Variants in BEST4 observed in about 807,000 individuals in gnomAD.
BEST4 encodes bestrophin-4.
BEST4 carries 36 observed loss-of-function variants against 47.1 expected under a neutral mutation model. That is an observed-to-expected ratio of 0.76 (90% confidence interval 0.59 to 1.01). BEST4 has a LOEUF of 1.01. Among genes scored for constraint, BEST4 ranks in the 50% least tolerant of loss-of-function variants. The pLI is 0.00. For missense variants in BEST4, 550 were observed against 648.6 expected (o/e 0.85, Z 1.65); for synonymous variants, 250 against 277.8 (o/e 0.90, Z 1.00).
Position 44,787,687 on chromosome 1 carries a change from G to T in BEST4, c.19C>A (p.Leu7Ile), listed in dbSNP as rs1314873599. The change falls in exon 1 of 9, where the codon CTC becomes ATC. Residue 7 changes from leucine to isoleucine, a missense_variant. This residue lies in a region of BEST4 where 291 missense variants were observed against 342.4 expected (regional missense o/e 0.85). Transcript: ENST00000372207. MTVSYT[L>I]KVAEARFGGF... ...CCGAAGCGGGCCTCCGCCACTTTGAGAGTGTATGAAACCGTCATGGTGCTG... is the reference window on the plus strand; with the variant it reads ...CCGAAGCGGGCCTCCGCCACTTTGATAGTGTATGAAACCGTCATGGTGCTG... 6.2e-7 allele frequency: 1 copy of T among 1,614,126 alleles called. No individual in the cohort carries two copies. The highest frequency in any genetic ancestry group is 1.1e-5 in the South Asian group (1 of 91,084).
At chr1:44,782,957 C>CTT (rs529146408), downstream of BEST4, among the ~76,000 whole-genome samples, 29 of 146,058 alleles carry the variant, frequency 2.0e-4, no homozygotes, top group East Asian at 6.0e-4. Flanking sequence ...TTCCAGAAGA[C>CTT]TTTTTTTTTT....
intron 5 of BEST4, 38 bp from the exon 6 acceptor site, chr1:44,785,343 C>A (rs763965020): frequency 4.6e-6 from 7 of 1,528,324 alleles, no homozygotes; most frequent in Non-Finnish European, 5.3e-6. Flanking sequence ...CAGGATGCAG[C>A]GGGCCAAGGA....
At chr1:44,782,073 A>G (rs1651056059), downstream of BEST4, among the ~76,000 whole-genome samples, 1 of 152,146 alleles carries the variant, frequency 6.6e-6, no homozygotes, top group Admixed American at 6.5e-5. Context: ...CTGAGGCATG[A>G]GAATCTCTTG....
chr1:44,784,408 C>T lies in BEST4; in HGVS notation c.1224G>A (p.Gln408=). Residue 408 remains glutamine (Q), a synonymous_variant, in exon 9 of 9, where the codon CAG becomes CAA. Transcript: ENST00000372207. This position sits in a 1 kb window ranked among gnomAD's most constrained non-coding sequence, Gnocchi z 6.2. ...CCAGGAAGCGGCCGAGCAACGGGGTCTGCGCGGCGGGCGCGGGCCGACCAG... is the reference window on the plus strand; with the variant it reads ...CCAGGAAGCGGCCGAGCAACGGGGTTTGCGCGGCGGGCGCGGGCCGACCAG... ...PGSGRPAPAA[Q]TPLLGRFLGV... 2 of 1,392,604 alleles carry T rather than the reference C, an allele frequency of 1.4e-6. No individual in the cohort carries two copies. Among genetic ancestry groups the T allele is most frequent in the Non-Finnish European group, 1.8e-6 (2 of 1,082,262 alleles). The allele number at this position is 1,392,604 out of a possible 1,614,324, so 86.3% of individuals were successfully genotyped here.
upstream of BEST4, among the ~76,000 whole-genome samples, chr1:44,789,395 CAAAAA>C (rs35605473): frequency 1.3e-5 from 1 of 77,096 alleles, no homozygotes; most frequent in African/African-American, 5.1e-5. Context: ...GACTCTGTCT[CAAAAA>C]AAAAAAAAAA....
At position 44,786,238 on chromosome 1, in the gene BEST4, T is replaced by A. The variant is rs768825952; in HGVS notation, c.482-10A>T. Reference sequence around the variant, plus strand: ...TCCTGGGACATGAAACCTGAGGGGGTAAAGCAGGTGGGGTGCAGTTGCACC... The same window carrying A: ...TCCTGGGACATGAAACCTGAGGGGGAAAAGCAGGTGGGGTGCAGTTGCACC... On this transcript the variant is annotated splice_polypyrimidine_tract_variant and intron_variant, in intron 3 of 8. Transcript: ENST00000372207. This position sits in a 1 kb window ranked among gnomAD's most constrained non-coding sequence, Gnocchi z 4.9. The A allele has an allele frequency of 6.2e-7, 1 of 1,608,674 alleles. No individual in the cohort carries two copies. The highest frequency in any genetic ancestry group is 8.5e-7 in the Non-Finnish European group (1 of 1,177,304).
At chr1:44,783,197 T>C (rs12094028), downstream of BEST4, among the ~76,000 whole-genome samples, 68,340 of 152,054 alleles carry the variant, frequency 0.45, 16,104 homozygotes, top group African/African-American at 0.59. Context: ...TCTGGGGATC[T>C]GCCCACCTTG....
chr1:44,786,596 G>A lies in BEST4; in HGVS notation c.348C>T (p.Gly116=), dbSNP rs1397470152. ...LMCVISASVH[G]VDQRGRLLRR... The stretch of plus-strand genomic sequence containing the variant: ...GCAGCAGGCGGCCCCGCTGGTCCAC[G>A]CCGTGCACGCTAGCCGAGATGACGC... The change falls in exon 3 of 9, where the codon GGC becomes GGT. Residue 116 remains glycine, a synonymous_variant. Transcript: ENST00000372207. The surrounding 1 kb of genome is among the most constrained non-coding windows in gnomAD (Gnocchi z 4.9). 5.8e-6 allele frequency: 9 copies of A among 1,550,792 alleles called. No individual in the cohort carries two copies. The highest frequency in any genetic ancestry group is 7.0e-6 in the Non-Finnish European group (8 of 1,147,016).
At chr1:44,788,188 C>T (rs915251375), upstream of BEST4, among the ~76,000 whole-genome samples, 1 of 152,222 alleles carries the variant, frequency 6.6e-6, no homozygotes, top group African/African-American at 2.4e-5. Flanking sequence ...ACTTCAACCC[C>T]CACAGACTTA....
Position 44,787,720 on chromosome 1 carries a change from G to A in BEST4, c.-15C>T. The A allele has an allele frequency of 6.2e-7, 1 of 1,613,634 alleles. No homozygotes were observed. The highest frequency in any genetic ancestry group is 1.3e-5 in the African/African-American group (1 of 75,036). ...GAAACCGTCATGGTGCTGGGAGCCT[G>A]GGGCAGGAGGTCACAAGAGTTGCCC... On this transcript the variant is annotated 5_prime_UTR_variant, in exon 1 of 9. Transcript: ENST00000372207.
intron 5 of BEST4, 138 bp downstream of exon 5, chr1:44,785,461 G>T: frequency 1.7e-6 from 2 of 1,196,534 alleles, no homozygotes; most frequent in Non-Finnish European, 2.3e-6. Flanking sequence ...GTTGGGGGTG[G>T]TGGGGGGCTT....
upstream of BEST4, among the ~76,000 whole-genome samples, chr1:44,792,133 TCCG>T (rs1189079489): frequency 2.6e-5 from 4 of 152,068 alleles, no homozygotes; most frequent in Admixed American, 6.6e-5. Flanking sequence ...TCCCAGCTAC[TCCG>T]GAGGCTGAGA....
In BEST4 at chr1:44,787,676, C is replaced by T. The variant is rs200497751; in HGVS notation, c.30G>A (p.Ala10=). MTVSYTLKV[A]EARFGGFSGL... is the part of the protein sequence containing the mutation. ...CAGAGAAACCTCCGAAGCGGGCCTC[C>T]GCCACTTTGAGAGTGTATGAAACCG... Residue 10 remains alanine (A), a synonymous_variant, in exon 1 of 9, where the codon GCG becomes GCA. Transcript: ENST00000372207. 1.2e-5 allele frequency: 20 copies of T among 1,614,044 alleles called. No individual in the cohort carries two copies. The highest frequency in any genetic ancestry group is 5.3e-5 in the African/African-American group (4 of 74,918).
intron 2 of BEST4, among the ~76,000 whole-genome samples, chr1:44,787,064 T>C (rs1651267004): frequency 6.6e-6 from 1 of 151,414 alleles, no homozygotes. Flanking sequence ...CTGGAAGTCC[T>C]GGACCCAGCA....
rs1651164913 is a variant in BEST4 at position 44,784,914 on chromosome 1, G to A, written c.984C>T (p.Arg328=). The change falls in exon 7 of 9, where the codon CGC becomes CGT. Residue 328 remains arginine (R), a synonymous_variant. Transcript: ENST00000372207. This position sits in a 1 kb window ranked among gnomAD's most constrained non-coding sequence, Gnocchi z 6.2. ...DDFETNQLID[R]NLQVSLLSVD... ...CCTGATGCTTGCTCACCTGCAAGTT[G>A]CGGTCTATGAGCTGATTTGTCTCAA... is the stretch of plus-strand genomic sequence containing the variant. 6.2e-7 allele frequency: 1 copy of A among 1,614,052 alleles called. No individual in the cohort carries two copies. Among genetic ancestry groups the A allele is most frequent in the Non-Finnish European group, 8.5e-7 (1 of 1,180,022 alleles).
At chr1:44,782,025 G>A (rs1355802273), downstream of BEST4, among the ~76,000 whole-genome samples, 2 of 152,116 alleles carry the variant, frequency 1.3e-5, no homozygotes, top group Non-Finnish European at 2.9e-5. Context: ...TTAGCAGGGT[G>A]TGGTGGCATG....
upstream of BEST4, among the ~76,000 whole-genome samples, chr1:44,791,720 C>T (rs942669978): frequency 6.6e-6 from 1 of 152,068 alleles, no homozygotes; most frequent in African/African-American, 2.4e-5. Flanking sequence ...CCACTCAGCC[C>T]ATAAATCACC....
At chr1:44,792,689 T>C (rs528886866), upstream of BEST4, among the ~76,000 whole-genome samples, 1 of 152,194 alleles carries the variant, frequency 6.6e-6, no homozygotes, top group Non-Finnish European at 1.5e-5. Context: ...TTACCTGGCA[T>C]CTCTTGTTCT....
rs1651257504 is a variant in BEST4, at chr1:44,786,811, G to A, written c.248-115C>T. Reference sequence around the variant, plus strand: ...TCCAGGCCAGTTGAATCGTGGCAGGGGGAAGGAAACATTCAGCTCCAGTGC... The same window carrying A: ...TCCAGGCCAGTTGAATCGTGGCAGGAGGAAGGAAACATTCAGCTCCAGTGC... On this transcript the variant is annotated intron_variant, in intron 2 of 8. Coordinates refer to ENST00000372207, the MANE Select transcript of BEST4 (RefSeq NM_153274.3). This position sits in a 1 kb window ranked among gnomAD's most constrained non-coding sequence, Gnocchi z 4.9. 1 of 797,414 alleles carries A rather than the reference G, an allele frequency of 1.3e-6. No homozygotes were observed. Among genetic ancestry groups the A allele is most frequent in the Non-Finnish European group, 2.0e-6 (1 of 508,858 alleles). 49.4% of individuals were successfully genotyped at this position (797,414 alleles called of 1,614,324 possible).
Sources: allele counts gnomAD v4.1 joint callset (sites outside exome capture counted in the v4.1 genomes callset), GRCh38; gene constraint gnomAD v4.1.1; regional missense constraint gnomAD v4.1.1; non-coding constraint Gnocchi (gnomAD v3.1); transcripts MANE v1.5; gene names NCBI Gene and HGNC (gene_info 2026-07-23, HGNC 2026-07-21).